The following IKZF4 variants were observed in gnomAD, a reference collection of about 807,000 sequenced individuals.
The protein encoded by IKZF4 is zinc finger protein Eos.
In IKZF4, 11 loss-of-function variants were observed where a neutral mutation model predicts 47.7. That is an observed-to-expected ratio of 0.23 (90% confidence interval 0.15 to 0.38). IKZF4 has a LOEUF of 0.38. Ranked by LOEUF, IKZF4 falls within the 10% of genes least tolerant of loss-of-function variation. The pLI is 1.00. For synonymous variants in IKZF4, 298 were observed against 299.4 expected, an observed-to-expected ratio of 1.00 and a Z score of 0.05; for missense variants, 557 against 784.9, an observed-to-expected ratio of 0.71 and a Z score of 3.47.
In IKZF4 at chr12:56,013,572, C is replaced by T. The variant is rs550178489; in HGVS notation, c.-214+2078C>T. ...ACTGTCTCATGTAACTAACTTCCCT[C>T]TCCTTATACCTCCTCCTCCTGCAAT... On this transcript the variant is annotated intron_variant, in intron 2 of 11. Coordinates refer to the IKZF4 transcript ENST00000262032. Among the ~76,000 whole-genome samples the T allele has an allele frequency of 2.0e-5, 3 of 152,332 alleles. No individual in the cohort carries two copies. In the South Asian group the frequency reaches 6.2e-4, roughly 32 times the overall value.
chr12:56,010,632 A>C (rs1891227100), intron 1 of IKZF4: 1 of 152,164 alleles, frequency 6.6e-6, no homozygotes, highest in African/African-American at 2.4e-5. Flanking sequence ...GGTGGCCCAA[A>C]TCTTCCAACT....
intron 5 of IKZF4, among the ~76,000 whole-genome samples, chr12:56,030,214 G>A (rs756289456): frequency 2.3e-4 from 34 of 150,922 alleles, no homozygotes; most frequent in Admixed American, 7.2e-4. Context: ...CCAGGAGTTT[G>A]AGACCAGCCA....
Position 56,036,378 on chromosome 12 carries a change from C to T in IKZF4, c.*1047C>T, listed in dbSNP as rs2136735171. On this transcript the variant is annotated 3_prime_UTR_variant, in exon 8 of 8. Transcript: ENST00000547167. ...CTAGGCTCTCAGGGGCTCCTTCAGT[C>T]CCCATCCTATGAGAAACTAGTGGGT... 1 of 152,408 alleles carries T rather than the reference C, an allele frequency of 6.6e-6. No homozygotes were observed. The highest frequency in any genetic ancestry group is 1.9e-4 in the East Asian group (1 of 5,198). 9.4% of individuals were successfully genotyped at this position (152,408 alleles called of 1,614,324 possible). A position where few individuals can be genotyped will look rare whatever the true frequency, so the allele number is the denominator to read the frequency against.
intron 5 of IKZF4, 137 bp from the exon 6 acceptor site, chr12:56,032,424 G>A (rs1895041332): frequency 1.2e-6 from 1 of 851,120 alleles, no homozygotes; most frequent in Non-Finnish European, 1.8e-6. Context: ...GTTGGGAAAT[G>A]AAAGACAAGT....
At position 56,035,156 on chromosome 12, in the gene IKZF4, A is replaced by G; in HGVS notation, c.1583A>G (p.Lys528Arg). The change falls in exon 8 of 8, where the codon AAG becomes AGG. Residue 528 changes from lysine (K) to arginine (R), a missense_variant. Physicochemically the swap from Lys to Arg is conservative, Grantham distance 26 (BLOSUM62 2). Transcript: ENST00000547167. This position sits in a 1 kb window ranked among gnomAD's most constrained non-coding sequence, Gnocchi z 6.1. ...RVVGESGEPV[K>R]AFKCEHCRIL... The stretch of plus-strand genomic sequence containing the variant: ...GTGGGCGAGAGTGGTGAGCCTGTGA[A>G]GGCCTTCAAGTGTGAGCACTGCCGT... 1 of 1,614,170 alleles carries G rather than the reference A, an allele frequency of 6.2e-7. No individual in the cohort carries two copies. Among genetic ancestry groups the G allele is most frequent in the Non-Finnish European group, 8.5e-7 (1 of 1,180,002 alleles).
At chr12:56,024,934 T>C in intron 2 of IKZF4, 120 bp from the exon 3 acceptor site, 1 of 1,531,648 alleles carries the variant, frequency 6.5e-7, no homozygotes, top group Non-Finnish European at 8.7e-7. Context: ...AACACTGCTT[T>C]GTACATGGCT....
chr12:56,012,709 G>C (rs2136546992), intron 2 of IKZF4, among the ~76,000 whole-genome samples: 1 of 152,250 alleles, frequency 6.6e-6, no homozygotes, highest in Non-Finnish European at 1.5e-5. Context: ...CAGGGAGCCT[G>C]GTGGGAAATC....
upstream of IKZF4, among the ~76,000 whole-genome samples, chr12:56,017,159 C>T (rs1341841969): frequency 6.6e-6 from 1 of 151,598 alleles, no homozygotes; most frequent in Non-Finnish European, 1.5e-5. Context: ...TTGTTTAATA[C>T]TCTACTGCCA....
At chr12:56,017,662 T>C (rs113901402), upstream of IKZF4, among the ~76,000 whole-genome samples, 17 of 152,134 alleles carry the variant, frequency 1.1e-4, no homozygotes, top group African/African-American at 4.1e-4. Context: ...GGTTTGTAAA[T>C]CAGGGTATGT....
At chr12:56,024,403 C>G (rs1893599195) in intron 2 of IKZF4, among the ~76,000 whole-genome samples, 1 of 152,178 alleles carries the variant, frequency 6.6e-6, no homozygotes, top group Admixed American at 6.5e-5. Flanking sequence ...TGTCTATGAT[C>G]CCAGTTCCAC....
At chr12:56,010,702 T>C (rs1014799643) in intron 1 of IKZF4, 6 of 152,202 alleles carry the variant, frequency 3.9e-5, no homozygotes, top group Non-Finnish European at 8.8e-5. Flanking sequence ...ACTTGGACTC[T>C]ACATGTCCTA....
chr12:56,012,287 T>C (rs1374615631), intron 2 of IKZF4, among the ~76,000 whole-genome samples: 2 of 151,836 alleles, frequency 1.3e-5, no homozygotes, highest in East Asian at 3.9e-4. Context: ...TTTTTTTTTT[T>C]TTTTGAGACG....
intron 1 of IKZF4, 52 bp from the exon 2 acceptor site, chr12:56,023,619 T>C (rs2658479): frequency 0.89 from 1,421,806 of 1,596,558 alleles, 645,145 homozygotes; most frequent in East Asian, 0.99. Flanking sequence ...AGGATATGAA[T>C]GGGAAATGGT....
Position 56,032,657 on chromosome 12 carries a change from ATAAC to A in IKZF4, c.815_818del (p.Asn272ThrfsTer60). Reference sequence around the variant, plus strand: ...CTGGAGGAGCACAAGGAGCGGTGCCATAACTACCTACAGAGTCTCAGCACTGAAG... The same window carrying A: ...CTGGAGGAGCACAAGGAGCGGTGCCATACCTACAGAGTCTCAGCACTGAAG... On this transcript the variant is annotated frameshift_variant, in exon 6 of 8. Coordinates refer to ENST00000547167, the MANE Select transcript of IKZF4 (RefSeq NM_022465.4). LOFTEE classifies it high-confidence loss of function. 1 of 1,614,056 alleles carries A rather than the reference ATAAC, an allele frequency of 6.2e-7. No individual in the cohort carries two copies. The highest frequency in any genetic ancestry group is 8.5e-7 in the Non-Finnish European group (1 of 1,179,898).
In IKZF4 at chr12:56,035,156, A is replaced by C. The variant is rs373853700; in HGVS notation, c.1583A>C (p.Lys528Thr). Residue 528 changes from lysine to threonine, a missense_variant, in exon 8 of 8, where the codon AAG (lysine) becomes ACG (threonine). Lys to Thr is a moderately conservative substitution (Grantham distance 78, BLOSUM62 -1). This residue lies in a region of IKZF4 where 280 missense variants were observed against 314.0 expected (regional missense o/e 0.89). Coordinates refer to ENST00000547167, the MANE Select transcript of IKZF4 (RefSeq NM_022465.4). This position sits in a 1 kb window ranked among gnomAD's most constrained non-coding sequence, Gnocchi z 6.1. ...GTGGGCGAGAGTGGTGAGCCTGTGA[A>C]GGCCTTCAAGTGTGAGCACTGCCGT... is the stretch of plus-strand genomic sequence containing the variant. ...RVVGESGEPV[K>T]AFKCEHCRIL... is the part of the protein sequence containing the mutation. The C allele has an allele frequency of 1.2e-6, 2 of 1,614,052 alleles. No individual in the cohort carries two copies. The highest frequency in any genetic ancestry group is 1.7e-6 in the Non-Finnish European group (2 of 1,180,010).
At position 56,034,612 on chromosome 12, in the gene IKZF4, G is replaced by A. The variant is rs1236595911; in HGVS notation, c.1039G>A (p.Asp347Asn). 6.2e-7 allele frequency: 1 copy of A among 1,613,892 alleles called. No homozygotes were observed. The highest frequency in any genetic ancestry group is 1.3e-5 in the African/African-American group (1 of 75,054). The change falls in exon 8 of 8, where the codon GAT becomes AAT. Residue 347 changes from aspartate to asparagine, a missense_variant. Physicochemically the swap from Asp to Asn is conservative, Grantham distance 23 (BLOSUM62 1). Coordinates refer to ENST00000547167, the MANE Select transcript of IKZF4 (RefSeq NM_022465.4). ...MRFSLSDLPY[D>N]VNSGGYEKDV... ...CTTCAGCCTCTCAGACCTCCCCTAT[G>A]ATGTGAACTCGGGTGGCTATGAAAA...
chr12:56,024,806 T>A, intron 2 of IKZF4: 1 of 1,344,674 alleles, frequency 7.4e-7, no homozygotes. Flanking sequence ...CAGGCAGTGA[T>A]GCTCTTGCCC....
At chr12:56,015,570 A>G (rs1891933026) in intron 2 of IKZF4, among the ~76,000 whole-genome samples, 1 of 151,416 alleles carries the variant, frequency 6.6e-6, no homozygotes, top group Non-Finnish European at 1.5e-5. Context: ...ATTTTTTTGT[A>G]TTTTTAGTAG....
At chr12:56,019,077 G>A (rs535822504), upstream of IKZF4, among the ~76,000 whole-genome samples, 10 of 151,364 alleles carry the variant, frequency 6.6e-5, no homozygotes, top group East Asian at 1.4e-3. Flanking sequence ...TTATCTGGGC[G>A]TGGTGGCTCA....
Sources: gnomAD v4.1 joint callset for allele counts (sites outside exome capture counted in the v4.1 genomes callset) on GRCh38, gnomAD v4.1.1 for gene constraint, gnomAD v4.1.1 regional missense constraint, Gnocchi (gnomAD v3.1) non-coding constraint, MANE v1.5 for transcripts, NCBI Gene and HGNC (gene_info 2026-07-23, HGNC 2026-07-21) for gene names.